SEC11A: variants seen among roughly 807,000 people sequenced by gnomAD.
The protein encoded by SEC11A is SEC11 homolog A, signal peptidase complex subunit, also known as signal peptidase complex catalytic subunit SEC11A.
A neutral mutation model predicts 25.6 loss-of-function variants in SEC11A; 14 were observed. That is an observed-to-expected ratio of 0.55 (90% confidence interval 0.36 to 0.85). SEC11A has a LOEUF of 0.85. Among genes scored for constraint, SEC11A ranks in the 40% least tolerant of loss-of-function variants. The pLI is 0.01. For missense variants in SEC11A, 153 were observed against 222.9 expected, an observed-to-expected ratio of 0.69 and a Z score of 2.00; for synonymous variants, 83 against 76.4, an observed-to-expected ratio of 1.09 and a Z score of -0.45.
At chr15:84,696,171 A>G (rs1897762611) in intron 1 of SEC11A, among the ~76,000 whole-genome samples, 1 of 152,194 alleles carries the variant, frequency 6.6e-6, no homozygotes, top group African/African-American at 2.4e-5. Flanking sequence ...ACTCACATTT[A>G]CAGGTAAGGA....
intron 3 of SEC11A, among the ~76,000 whole-genome samples, chr15:84,682,594 G>A (rs957051872): frequency 1.3e-5 from 2 of 151,858 alleles, no homozygotes; most frequent in East Asian, 1.9e-4. Context: ...GATTACAAGC[G>A]CCCGCCACCA....
chr15:84,707,948 C>G (rs942368522), intron 1 of SEC11A, among the ~76,000 whole-genome samples: 12 of 152,154 alleles, frequency 7.9e-5, no homozygotes, highest in Non-Finnish European at 7.3e-5. Flanking sequence ...TGGCTCACAT[C>G]TGTAATCCCA....
chr15:84,709,474 G>A (rs578028424), intron 1 of SEC11A, among the ~76,000 whole-genome samples: 14 of 151,922 alleles, frequency 9.2e-5, no homozygotes, highest in South Asian at 2.1e-4. Context: ...ATGGAGTCTC[G>A]CTCTGTCACC....
intron 1 of SEC11A, among the ~76,000 whole-genome samples, chr15:84,694,217 TGGTGGG>T (rs1289904520): frequency 1.3e-5 from 2 of 151,854 alleles, no homozygotes; most frequent in African/African-American, 4.8e-5. Context: ...TAGCTGGGTG[TGGTGGG>T]ACATGCCTGT....
intron 1 of SEC11A, among the ~76,000 whole-genome samples, chr15:84,699,893 C>T (rs759802794): frequency 6.6e-6 from 1 of 151,944 alleles, no homozygotes; most frequent in Admixed American, 6.5e-5. Flanking sequence ...CTAAAAGCAG[C>T]GGATGGAACA....
intron 1 of SEC11A, among the ~76,000 whole-genome samples, chr15:84,710,204 T>A (rs1357849955): frequency 6.6e-6 from 1 of 152,312 alleles, no homozygotes; most frequent in East Asian, 1.9e-4. Flanking sequence ...ACTTAAGAAG[T>A]CTCAGATCTA....
chr15:84,689,609 C>CTTTT (rs11316103), intron 2 of SEC11A, among the ~76,000 whole-genome samples: 1 of 122,556 alleles, frequency 8.2e-6, no homozygotes. Flanking sequence ...TCTTTTCTTT[C>CTTTT]TTTTTTTTTT....
At chr15:84,707,963 T>C (rs1898145863) in intron 1 of SEC11A, among the ~76,000 whole-genome samples, 1 of 152,004 alleles carries the variant, frequency 6.6e-6, no homozygotes, top group African/African-American at 2.4e-5. Flanking sequence ...ATCCCAGCAC[T>C]TTGGGAGGCC....
At chr15:84,712,816 T>C (rs895460294) in intron 1 of SEC11A, among the ~76,000 whole-genome samples, 3 of 152,106 alleles carry the variant, frequency 2.0e-5, no homozygotes, top group Non-Finnish European at 4.4e-5. Flanking sequence ...TACCCCTCTA[T>C]ACTGACAAAA....
At chr15:84,701,375 A>G (rs1354086259) in intron 1 of SEC11A, among the ~76,000 whole-genome samples, 1 of 151,748 alleles carries the variant, frequency 6.6e-6, no homozygotes, top group Non-Finnish European at 1.5e-5. Flanking sequence ...GGTGGAGTGC[A>G]ATGGCATGAT....
intron 3 of SEC11A, 23 bp from the exon 4 acceptor site, chr15:84,680,855 A>G (rs1177969473): frequency 1.3e-6 from 2 of 1,583,028 alleles, no homozygotes; most frequent in Non-Finnish European, 1.7e-6. Context: ...AAGGAAACCC[A>G]AGTCATCAAA....
chr15:84,713,240 G>A (rs1473162263), intron 1 of SEC11A, among the ~76,000 whole-genome samples: 1 of 151,110 alleles, frequency 6.6e-6, no homozygotes, highest in Non-Finnish European at 1.5e-5. Flanking sequence ...TTAAATGGAT[G>A]GAGTTCATTT....
chr15:84,699,282 T>C (rs1596079693), intron 1 of SEC11A, among the ~76,000 whole-genome samples: 1 of 129,170 alleles, frequency 7.7e-6, no homozygotes, highest in Non-Finnish European at 1.5e-5. Flanking sequence ...ACCACTGCAC[T>C]CCAGCCTGGG....
intron 1 of SEC11A, among the ~76,000 whole-genome samples, chr15:84,702,974 C>A (rs1897992418): frequency 6.6e-6 from 1 of 152,168 alleles, no homozygotes. Context: ...GAAAGCTGTA[C>A]TAGTACCTGG....
chr15:84,690,225 A>G (rs988091787), intron 2 of SEC11A, among the ~76,000 whole-genome samples: 1 of 152,136 alleles, frequency 6.6e-6, no homozygotes, highest in Non-Finnish European at 1.5e-5. Context: ...GTAACAGTGA[A>G]TAAGTCTCAC....
chr15:84,677,943 C>T (rs1897183827), intron 4 of SEC11A, among the ~76,000 whole-genome samples: 1 of 152,136 alleles, frequency 6.6e-6, no homozygotes, highest in African/African-American at 2.4e-5. Context: ...TGCCTGTGGT[C>T]CCAGCACTTT....
At chr15:84,690,906 G>T (rs1412454737) in intron 2 of SEC11A, among the ~76,000 whole-genome samples, 1 of 151,956 alleles carries the variant, frequency 6.6e-6, no homozygotes, top group East Asian at 1.9e-4. Flanking sequence ...TCAAAATGAG[G>T]AATATAAAAA....
At position 84,669,946 on chromosome 15, in the gene SEC11A, C is replaced by A; in HGVS notation, c.*73G>T. On this transcript the variant is annotated 3_prime_UTR_variant, in exon 6 of 6. Coordinates refer to ENST00000268220, the MANE Select transcript of SEC11A (RefSeq NM_014300.4). ...CGTGTGTTCTCCATTCCACCAATCA[C>A]AGACCAGTATCTACTCCAAACATCC... 3 of 1,608,044 alleles carry A rather than the reference C, an allele frequency of 1.9e-6. No homozygotes were observed. Among genetic ancestry groups the A allele is most frequent in the Middle Eastern group, 3.3e-4 (2 of 6,056 alleles).
At chr15:84,704,381 C>A (rs1056464826) in intron 1 of SEC11A, among the ~76,000 whole-genome samples, 2 of 152,128 alleles carry the variant, frequency 1.3e-5, no homozygotes, top group African/African-American at 4.8e-5. Context: ...AAGTAGCTGG[C>A]CTGAAATAAT....
Sources: gnomAD v4.1 joint callset for allele counts (sites outside exome capture counted in the v4.1 genomes callset) on GRCh38, gnomAD v4.1.1 for gene constraint, MANE v1.5 for transcripts, NCBI Gene and HGNC (gene_info 2026-07-23, HGNC 2026-07-21) for gene names.